The following PPP2R3A variants were observed in gnomAD, a reference collection of about 807,000 sequenced individuals.
PPP2R3A encodes the protein protein phosphatase 2 regulatory subunit B''alpha.
Under a neutral mutation model 106.9 loss-of-function variants are expected in PPP2R3A, and 80 were observed. That is an observed-to-expected ratio of 0.75 (90% CI 0.62 to 0.90). The LOEUF (loss-of-function observed/expected upper bound fraction) is 0.90, where lower values mean the gene tolerates loss of function less well. Among genes scored for constraint, PPP2R3A ranks in the 40% least tolerant of loss-of-function variants. PPP2R3A has a pLI of 0.00. For synonymous variants in PPP2R3A, 483 were observed against 468.3 expected (o/e 1.03, Z -0.41); for missense variants, 1,386 against 1,350.4 (o/e 1.03, Z -0.41).
Position 136,147,092 on chromosome 3 carries a change from G to A in PPP2R3A, c.*1926G>A. 6.6e-6 allele frequency: 1 copy of A among 151,934 alleles called. No homozygotes were observed. Among genetic ancestry groups the A allele is most frequent in the East Asian group, 1.9e-4 (1 of 5,186 alleles). 9.4% of individuals were successfully genotyped at this position (151,934 alleles called of 1,614,324 possible). ...TTTGAAGTCTCTTAATTATTGGCTG[G>A]GCATGGTGACTCATGCCTGTAATCC... On this transcript the variant is annotated 3_prime_UTR_variant, in exon 14 of 14. Transcript: ENST00000264977.
intron 3 of PPP2R3A, among the ~76,000 whole-genome samples, chr3:136,039,210 GA>G (rs1935178348): frequency 6.6e-6 from 1 of 152,180 alleles, no homozygotes; most frequent in South Asian, 2.1e-4. Context: ...TCCTCTAGAG[GA>G]GAGGCTTTTC....
In PPP2R3A at chr3:136,051,466, AT is replaced by A. The variant is rs1289832394; in HGVS notation, c.2469+2107del. On this transcript the variant is annotated intron_variant, in intron 5 of 13. Transcript: ENST00000264977. ...TGCCTCAGCCTCCCAAGTAGCAGGG[AT>A]TACAGGCACCCACCACCACACCCGG... Among the ~76,000 whole-genome samples the A allele has an allele frequency of 2.6e-5, 4 of 152,122 alleles. No individual in the cohort carries two copies. In the East Asian group the frequency reaches 7.7e-4, roughly 29 times the overall value.
chr3:136,102,323 T>C, intron 11 of PPP2R3A, 141 bp downstream of exon 11: 1 of 858,358 alleles, frequency 1.2e-6, no homozygotes, highest in Admixed American at 3.1e-5. Flanking sequence ...AAGTTTCTCC[T>C]TGACTATTAG....
chr3:136,013,978 AGATTT>A (rs1934186867), intron 2 of PPP2R3A, among the ~76,000 whole-genome samples: 1 of 152,170 alleles, frequency 6.6e-6, no homozygotes, highest in African/African-American at 2.4e-5. Context: ...TTCAGGTCTT[AGATTT>A]AAGTCCTTGA....
chr3:136,093,417 G>A (rs1022338392), intron 10 of PPP2R3A, among the ~76,000 whole-genome samples: 3 of 151,934 alleles, frequency 2.0e-5, no homozygotes, highest in African/African-American at 7.3e-5. Flanking sequence ...TCAAAAAAAA[G>A]AAAAAATTAA....
intron 13 of PPP2R3A, among the ~76,000 whole-genome samples, chr3:136,139,721 C>T (rs1042319167): frequency 2.7e-5 from 4 of 148,360 alleles, no homozygotes; most frequent in African/African-American, 1.0e-4. Flanking sequence ...AGTTTGTTCT[C>T]AGCTGGGCAT....
At chr3:136,077,852 A>G (rs1936646837) in intron 6 of PPP2R3A, among the ~76,000 whole-genome samples, 1 of 152,208 alleles carries the variant, frequency 6.6e-6, no homozygotes, top group Non-Finnish European at 1.5e-5. Flanking sequence ...TAGGATATAA[A>G]TTATCCCAGA....
intron 1 of PPP2R3A, among the ~76,000 whole-genome samples, chr3:135,997,247 C>T (rs989724230): frequency 1.3e-5 from 2 of 152,186 alleles, no homozygotes; most frequent in Non-Finnish European, 2.9e-5. Context: ...GATAAGGATA[C>T]CAGCAACCTT....
At chr3:136,098,166 A>T (rs932686977) in intron 10 of PPP2R3A, among the ~76,000 whole-genome samples, 14 of 152,240 alleles carry the variant, frequency 9.2e-5, no homozygotes, top group Non-Finnish European at 1.6e-4. Context: ...TTTTTAAAAA[A>T]TTAGCCAGGT....
intron 4 of PPP2R3A, among the ~76,000 whole-genome samples, chr3:136,048,401 C>T (rs1000359351): frequency 6.6e-6 from 1 of 152,032 alleles, no homozygotes; most frequent in African/African-American, 2.4e-5. Context: ...GGCCAGGCGC[C>T]GTGGCTCACG....
intron 13 of PPP2R3A, among the ~76,000 whole-genome samples, chr3:136,120,139 G>C (rs572999035): frequency 2.0e-5 from 3 of 151,852 alleles, no homozygotes; most frequent in African/African-American, 4.8e-5. Flanking sequence ...TGTCCGGGGG[G>C]GGTGGGGGCT....
At position 135,999,865 on chromosome 3, in the gene PPP2R3A, C is replaced by G. The variant is rs545490933; in HGVS notation, c.-440-1194C>G. Reference sequence around the variant, plus strand: ...CTCGGCTCACTGCAACCTCTGCCTCCCGGGTTCAAGACATTCTCCTGCCTC... The same window carrying G: ...CTCGGCTCACTGCAACCTCTGCCTCGCGGGTTCAAGACATTCTCCTGCCTC... On this transcript the variant is annotated intron_variant, in intron 1 of 13. Coordinates refer to ENST00000264977, the MANE Select transcript of PPP2R3A (RefSeq NM_002718.5). Among the ~76,000 whole-genome samples, 24 of 152,166 alleles carry G rather than the reference C, an allele frequency of 1.6e-4. No individual in the cohort carries two copies. In the East Asian group the frequency reaches 4.4e-3, roughly 28 times the overall value.
At chr3:136,033,086 G>C (rs1048347916) in intron 3 of PPP2R3A, among the ~76,000 whole-genome samples, 1 of 152,154 alleles carries the variant, frequency 6.6e-6, no homozygotes, top group African/African-American at 2.4e-5. Flanking sequence ...TCATCATAAA[G>C]GGATGCTGGA....
intron 13 of PPP2R3A, among the ~76,000 whole-genome samples, chr3:136,107,431 C>CTTTTTTTTTTTTTTTTT (rs11324496): frequency 2.8e-5 from 2 of 71,422 alleles, no homozygotes; most frequent in Non-Finnish European, 5.1e-5. Flanking sequence ...TACATGAATT[C>CTTTTTTTTTTTTTTTTT]TTTTTTTTTT....
intron 13 of PPP2R3A, among the ~76,000 whole-genome samples, chr3:136,120,053 A>G (rs980483952): frequency 5.3e-5 from 8 of 150,466 alleles, no homozygotes; most frequent in Non-Finnish European, 1.5e-5. Context: ...CGTCCTTTGC[A>G]GGGACATGGA....
intron 2 of PPP2R3A, among the ~76,000 whole-genome samples, chr3:136,020,675 A>C (rs1934434866): frequency 6.6e-6 from 1 of 152,118 alleles, no homozygotes; most frequent in African/African-American, 2.4e-5. Context: ...AAGTATAACC[A>C]GCATAAACAG....
In PPP2R3A at chr3:136,090,681, G is replaced by A. The variant is rs374497485; in HGVS notation, c.2927+14G>A. ...GAATCCTACCAGGTATGATTTCTAAGTTTCCTTTGCCAAGATGTTAAACAC... is the reference window on the plus strand; with the variant it reads ...GAATCCTACCAGGTATGATTTCTAAATTTCCTTTGCCAAGATGTTAAACAC... On this transcript the variant is annotated intron_variant, in intron 10 of 13. Coordinates refer to ENST00000264977, the MANE Select transcript of PPP2R3A (RefSeq NM_002718.5). 6.2e-7 allele frequency: 1 copy of A among 1,601,840 alleles called. No individual in the cohort carries two copies. The highest frequency in any genetic ancestry group is 1.3e-5 in the African/African-American group (1 of 74,658).
intron 13 of PPP2R3A, among the ~76,000 whole-genome samples, chr3:136,113,977 G>A (rs1937644712): frequency 6.6e-6 from 1 of 152,170 alleles, no homozygotes; most frequent in Admixed American, 6.5e-5. Flanking sequence ...TTGCTGGCAA[G>A]ATGGCCAAAT....
intron 7 of PPP2R3A, among the ~76,000 whole-genome samples, chr3:136,080,533 C>G (rs747997547): frequency 1.3e-5 from 2 of 152,168 alleles, no homozygotes; most frequent in Non-Finnish European, 2.9e-5. Context: ...AAAATAATAG[C>G]GCTTTGCTTC....
Sources: allele counts gnomAD v4.1 joint callset (sites outside exome capture counted in the v4.1 genomes callset), GRCh38; gene constraint gnomAD v4.1.1; transcripts MANE v1.5; gene names NCBI Gene and HGNC (gene_info 2026-07-23, HGNC 2026-07-21).